The following COTL1 variants were observed in gnomAD, a reference collection of about 807,000 sequenced individuals.
COTL1 encodes the protein coactosin like F-actin binding protein 1, also known as coactosin-like protein.
COTL1 carries 15 observed loss-of-function variants against 16.5 expected under a neutral mutation model. That is an observed-to-expected ratio of 0.91 (90% CI 0.61 to 1.40). COTL1 has a LOEUF of 1.40. COTL1 is among the 40% of genes most tolerant of loss of function. The pLI is 0.00. For missense variants in COTL1, 220 were observed against 201.5 expected, an observed-to-expected ratio of 1.09 and a Z score of -0.56; for synonymous variants, 112 against 85.3, an observed-to-expected ratio of 1.31 and a Z score of -1.73.
At chr16:84,614,703 G>T (rs2150698693) in intron 2 of COTL1, among the ~76,000 whole-genome samples, 1 of 152,258 alleles carries the variant, frequency 6.6e-6, no homozygotes, top group East Asian at 1.9e-4. Flanking sequence ...TTGGAAGCAG[G>T]AAGCCCGAAC....
Position 84,608,587 on chromosome 16 carries a change from C to T in COTL1, c.160+8914G>A, listed in dbSNP as rs1025392190. 3.3e-5 allele frequency among the ~76,000 whole-genome samples: 5 copies of T among 152,296 alleles called. 1 individual carries two copies. Among genetic ancestry groups the T allele is most frequent in the Middle Eastern group, 6.8e-3 (2 of 294 alleles). ...CAGAAAATTACAAAGGTAATGTTTT[C>T]GCAGCCCTTCAGGGTACCACTTAAA... On this transcript the variant is annotated intron_variant, in intron 2 of 3. Transcript: ENST00000262428.
intron 3 of COTL1, among the ~76,000 whole-genome samples, chr16:84,588,600 T>G (rs1904789003): frequency 6.6e-6 from 1 of 152,172 alleles, no homozygotes. Context: ...AGCCTCGCCC[T>G]CCTAGGCTCA....
At chr16:84,587,656 C>G (rs956988730) in intron 3 of COTL1, among the ~76,000 whole-genome samples, 1 of 152,040 alleles carries the variant, frequency 6.6e-6, no homozygotes, top group Non-Finnish European at 1.5e-5. Context: ...GACCTATAGG[C>G]TGGGACCACA....
chr16:84,592,556 C>A (rs1179982688), intron 2 of COTL1, among the ~76,000 whole-genome samples: 1 of 151,226 alleles, frequency 6.6e-6, no homozygotes, highest in Non-Finnish European at 1.5e-5. Flanking sequence ...TAAGAAGCTT[C>A]CCAGTGATGC....
chr16:84,611,718 A>G (rs1238410859), intron 2 of COTL1, among the ~76,000 whole-genome samples: 1 of 152,232 alleles, frequency 6.6e-6, no homozygotes, highest in East Asian at 1.9e-4. Flanking sequence ...TTGCAAAACT[A>G]TATCTGAACT....
rs764699182 is a variant in COTL1, at chr16:84,617,802, G to A, written c.77+36C>T. 6 of 1,547,112 alleles carry A rather than the reference G, an allele frequency of 3.9e-6. No individual in the cohort carries two copies. The South Asian group carries it at 7.1e-5, about 18-fold the overall frequency. Reference sequence around the variant, plus strand: ...GTGCACGAGGCCCCGCGCGAGCCCGGGGAGCGGGGCGTGGAGACGAATGAA... The same window carrying A: ...GTGCACGAGGCCCCGCGCGAGCCCGAGGAGCGGGGCGTGGAGACGAATGAA... On this transcript the variant is annotated intron_variant, in intron 1 of 3. Coordinates refer to ENST00000262428, the MANE Select transcript of COTL1 (RefSeq NM_021149.5).
At chr16:84,569,808 C>G (rs1344712286) in intron 3 of COTL1, among the ~76,000 whole-genome samples, 1 of 152,176 alleles carries the variant, frequency 6.6e-6, no homozygotes, top group Non-Finnish European at 1.5e-5. Context: ...CCCTGAGCCC[C>G]ACGGCATGAG....
intron 2 of COTL1, among the ~76,000 whole-genome samples, chr16:84,604,898 C>A (rs1160677762): frequency 6.6e-6 from 1 of 152,250 alleles, no homozygotes; most frequent in African/African-American, 2.4e-5. Context: ...AGAATTCTAG[C>A]CAGAAACGGG....
Position 84,590,246 on chromosome 16 carries a change from A to C in COTL1, c.177T>G (p.Phe59Leu), listed in dbSNP as rs147158574. The change falls in exon 3 of 4, where the codon TTT becomes TTG. Residue 59 changes from phenylalanine to leucine, a missense_variant. Coordinates refer to ENST00000262428, the MANE Select transcript of COTL1 (RefSeq NM_021149.5). The surrounding 1 kb of genome is among the most constrained non-coding windows in gnomAD (Gnocchi z 5.5). ...IQQCTDDVRL[F>L]AFVRFTTGDA... The stretch of plus-strand genomic sequence containing the variant: ...CCCCGGTGGTGAAGCGCACGAAGGC[A>C]AACAACCGGACGTCATCTGTGGCCA... 5 of 1,613,964 alleles carry C rather than the reference A, an allele frequency of 3.1e-6. No homozygotes were observed. Among genetic ancestry groups the C allele is most frequent in the Non-Finnish European group, 4.2e-6 (5 of 1,179,948 alleles).
At chr16:84,578,914 T>A (rs949527394) in intron 3 of COTL1, among the ~76,000 whole-genome samples, 2 of 117,708 alleles carry the variant, frequency 1.7e-5, no homozygotes, top group Admixed American at 1.5e-4. Flanking sequence ...GACACATGCA[T>A]GCATACACAC....
chr16:84,583,415 C>T (rs112354125), intron 3 of COTL1, among the ~76,000 whole-genome samples: 5 of 152,074 alleles, frequency 3.3e-5, no homozygotes, highest in African/African-American at 1.2e-4. Context: ...AAATCTGGTC[C>T]CAGAAATGAA....
intron 3 of COTL1, among the ~76,000 whole-genome samples, chr16:84,573,784 C>CACACACACACAT (rs1314694718): frequency 9.9e-5 from 15 of 151,174 alleles, no homozygotes; most frequent in Admixed American, 7.3e-4. Flanking sequence ...CACACACACA[C>CACACACACACAT]ACACACACAC....
intron 3 of COTL1, chr16:84,567,373 A>G (rs1284384185): frequency 6.4e-6 from 1 of 157,290 alleles, no homozygotes; most frequent in South Asian, 1.8e-4. Context: ...CAGGCACTCC[A>G]AAAAAAAGAA....
chr16:84,604,380 C>A (rs934522892), intron 2 of COTL1, among the ~76,000 whole-genome samples: 5 of 144,572 alleles, frequency 3.5e-5, no homozygotes, highest in African/African-American at 1.3e-4. Flanking sequence ...CACCCAGGAG[C>A]CTCATCCTCC....
intron 2 of COTL1, among the ~76,000 whole-genome samples, chr16:84,612,858 G>C (rs1025091244): frequency 9.9e-5 from 15 of 152,168 alleles, no homozygotes; most frequent in African/African-American, 2.7e-4. Context: ...GTCACCCTCA[G>C]AGGTAGGCAT....
At chr16:84,601,127 G>A (rs1157041562) in intron 2 of COTL1, among the ~76,000 whole-genome samples, 3 of 152,278 alleles carry the variant, frequency 2.0e-5, no homozygotes, top group Non-Finnish European at 4.4e-5. Context: ...CCCAATCACT[G>A]AACAGCCCTG....
At position 84,617,901 on chromosome 16, in the gene COTL1, A is replaced by C; in HGVS notation, c.14T>G (p.Ile5Ser). The change falls in exon 1 of 4, where the codon ATC becomes AGC. Residue 5 changes from isoleucine to serine, a missense_variant. Coordinates refer to ENST00000262428, the MANE Select transcript of COTL1 (RefSeq NM_021149.5). ...CGCCGCCCGGCAAGCCTCTTTGTCGATCTTGGTGGCCATCGCCGCGGAGCC... is the reference window on the plus strand; with the variant it reads ...CGCCGCCCGGCAAGCCTCTTTGTCGCTCTTGGTGGCCATCGCCGCGGAGCC... The part of the protein sequence containing the change: MATK[I>S]DKEACRAAYN... 1 of 1,561,278 alleles carries C rather than the reference A, an allele frequency of 6.4e-7. No individual in the cohort carries two copies. Among genetic ancestry groups the C allele is most frequent in the Non-Finnish European group, 8.7e-7 (1 of 1,153,914 alleles).
intron 3 of COTL1, among the ~76,000 whole-genome samples, chr16:84,587,962 G>C (rs1474801060): frequency 1.3e-5 from 2 of 152,096 alleles, no homozygotes; most frequent in Admixed American, 1.3e-4. Flanking sequence ...AGCAGAGACA[G>C]AGTTTTGCCA....
intron 3 of COTL1, among the ~76,000 whole-genome samples, chr16:84,587,385 G>C (rs937397128): frequency 6.6e-6 from 1 of 152,100 alleles, no homozygotes; most frequent in Non-Finnish European, 1.5e-5. Context: ...CCCACCTCCC[G>C]AGATTGTTTT....
Sources: allele counts gnomAD v4.1 joint callset (sites outside exome capture counted in the v4.1 genomes callset), GRCh38; gene constraint gnomAD v4.1.1; non-coding constraint Gnocchi (gnomAD v3.1); transcripts MANE v1.5; gene names NCBI Gene and HGNC (gene_info 2026-07-23, HGNC 2026-07-21).